ZBTB1: variants seen among roughly 807,000 people sequenced by gnomAD.
ZBTB1 encodes the protein zinc finger and BTB domain-containing protein 1.
ZBTB1 carries 13 observed loss-of-function variants against 51.6 expected under a neutral mutation model. That is an observed-to-expected ratio of 0.25 (90% CI 0.16 to 0.40). The LOEUF (loss-of-function observed/expected upper bound fraction) is 0.40, where lower values mean the gene tolerates loss of function less well. Among genes scored for constraint, ZBTB1 ranks in the 10% least tolerant of loss-of-function variants. ZBTB1 has a pLI of 1.00. For synonymous variants in ZBTB1, 240 were observed against 282.2 expected (o/e 0.85, Z 1.50); for missense variants, 567 against 856.5 (o/e 0.66, Z 4.22).
At chr14:64,509,987 A>G (rs1011733278) in intron 1 of ZBTB1, among the ~76,000 whole-genome samples, 7 of 152,000 alleles carry the variant, frequency 4.6e-5, no homozygotes, top group African/African-American at 1.7e-4. Flanking sequence ...AATTAAAAAA[A>G]AAAAAAAAAG....
intron 1 of ZBTB1, 181 bp downstream of exon 1, chr14:64,505,127 CG>C (rs2079625419): frequency 5.8e-6 from 2 of 344,130 alleles, no homozygotes; most frequent in Non-Finnish European, 1.0e-5. Flanking sequence ...TGCTTGTTGC[CG>C]GCGCGTCAGG....
chr14:64,532,095 C>A, exon 3 of ZBTB1: 1 of 541,214 alleles, frequency 1.8e-6, no homozygotes, highest in Non-Finnish European at 3.2e-6. Context: ...TTTGTTGTAA[C>A]AAAATTGATT....
downstream of ZBTB1, among the ~76,000 whole-genome samples, chr14:64,526,718 C>T (rs369731463): frequency 2.0e-5 from 3 of 152,076 alleles, no homozygotes; most frequent in Non-Finnish European, 4.4e-5. Flanking sequence ...CTCAGAAATG[C>T]GTCTTCATCT....
intron 1 of ZBTB1, among the ~76,000 whole-genome samples, chr14:64,513,305 C>T (rs539500920): frequency 1.3e-5 from 2 of 152,248 alleles, no homozygotes; most frequent in South Asian, 4.1e-4. Flanking sequence ...CCCTATACAT[C>T]TGCCTGGAAT....
At chr14:64,512,670 T>C (rs1254900632) in intron 1 of ZBTB1, among the ~76,000 whole-genome samples, 1 of 152,148 alleles carries the variant, frequency 6.6e-6, no homozygotes, top group African/African-American at 2.4e-5. Context: ...GAATTTGGAG[T>C]CTAATGCACA....
downstream of ZBTB1, among the ~76,000 whole-genome samples, chr14:64,528,344 CTTT>C (rs71123857): frequency 2.7e-4 from 31 of 115,518 alleles, no homozygotes; most frequent in South Asian, 1.1e-3. Context: ...TTTTTCTTTT[CTTT>C]TTTTTTTTTT....
intron 1 of ZBTB1, among the ~76,000 whole-genome samples, chr14:64,506,618 A>G (rs1340605948): frequency 6.6e-6 from 1 of 152,234 alleles, no homozygotes; most frequent in Admixed American, 6.5e-5. Context: ...AATAAACATA[A>G]CGTCTACAGT....
At chr14:64,513,346 T>C (rs1029155605) in intron 1 of ZBTB1, among the ~76,000 whole-genome samples, 40 of 152,092 alleles carry the variant, frequency 2.6e-4, no homozygotes, top group African/African-American at 9.4e-4. Flanking sequence ...ACATAACAAA[T>C]GTTAGCTATT....
intron 1 of ZBTB1, among the ~76,000 whole-genome samples, chr14:64,520,216 G>C (rs1206764765): frequency 6.6e-6 from 1 of 152,074 alleles, no homozygotes; most frequent in Non-Finnish European, 1.5e-5. Context: ...TGTTAGCCAG[G>C]ATGGTTTCGA....
At chr14:64,528,344 C>CTTTTTTTTTTTTTTTTTTT, downstream of ZBTB1, among the ~76,000 whole-genome samples, 1 of 115,538 alleles carries the variant, frequency 8.7e-6, no homozygotes, top group Non-Finnish European at 1.7e-5. Flanking sequence ...TTTTTCTTTT[C>CTTTTTTTTTTTTTTTTTTT]TTTTTTTTTT....
chr14:64,517,154 A>G (rs1458754786), intron 1 of ZBTB1, among the ~76,000 whole-genome samples: 1 of 152,196 alleles, frequency 6.6e-6, no homozygotes, highest in Non-Finnish European at 1.5e-5. Flanking sequence ...AACATCCACT[A>G]TTACTTTCAT....
intron 1 of ZBTB1, chr14:64,516,857 T>C (rs2079791805): frequency 6.6e-6 from 1 of 152,252 alleles, no homozygotes; most frequent in African/African-American, 2.4e-5. Flanking sequence ...TATGTATTTT[T>C]ACTCAGTTGA....
chr14:64,508,008 T>C (rs2079684937), intron 1 of ZBTB1, among the ~76,000 whole-genome samples: 1 of 152,190 alleles, frequency 6.6e-6, no homozygotes, highest in Admixed American at 6.5e-5. Context: ...CAATGACCGC[T>C]GTTTTCAGAT....
intron 1 of ZBTB1, chr14:64,516,593 A>G (rs143181776): frequency 5.9e-4 from 90 of 152,376 alleles, no homozygotes; most frequent in Middle Eastern, 3.4e-3. Context: ...TGTTCTTTCT[A>G]CTACAGCATG....
chr14:64,527,775 AAAAGAT>A (rs1321608200), downstream of ZBTB1, among the ~76,000 whole-genome samples: 9 of 152,342 alleles, frequency 5.9e-5, no homozygotes, highest in African/African-American at 2.2e-4. Flanking sequence ...CCATCTCAAA[AAAAGAT>A]AATAATACAC....
At chr14:64,512,464 A>C (rs556630410) in intron 1 of ZBTB1, among the ~76,000 whole-genome samples, 1 of 152,218 alleles carries the variant, frequency 6.6e-6, no homozygotes, top group Non-Finnish European at 1.5e-5. Context: ...GTCAGTGCTA[A>C]TGATACAAGT....
rs2079874303 is a variant in ZBTB1, at chr14:64,522,885, A to G, written c.1381A>G (p.Arg461Gly). 1 of 1,614,102 alleles carries G rather than the reference A, an allele frequency of 6.2e-7. No individual in the cohort carries two copies. Among genetic ancestry groups the G allele is most frequent in the Admixed American group, 1.7e-5 (1 of 60,004 alleles). ...GKCGQILVKG[R>G]QLQEHAQRCG... ...ATGTGGACAAATACTTGTAAAGGGTAGGCAGCTTCAGGAACATGCTCAACG... is the reference window on the plus strand; with the variant it reads ...ATGTGGACAAATACTTGTAAAGGGTGGGCAGCTTCAGGAACATGCTCAACG... Residue 461 changes from arginine (R) to glycine (G), a missense_variant, in exon 2 of 2, where the codon AGG becomes GGG. Around this residue, in one of 5 missense-constraint regions of ZBTB1, gnomAD observed 329 missense variants for 406.3 expected, o/e 0.81. Transcript: ENST00000683701.
chr14:64,517,781 ATTTTTTTTT>A (rs10590459), intron 1 of ZBTB1, among the ~76,000 whole-genome samples: 2 of 41,550 alleles, frequency 4.8e-5, no homozygotes, highest in African/African-American at 1.8e-4. Flanking sequence ...ATATATATAT[ATTTTTTTTT>A]TTTTTTTTTT....
downstream of ZBTB1, among the ~76,000 whole-genome samples, chr14:64,529,060 G>C (rs1485095952): frequency 6.6e-6 from 1 of 152,208 alleles, no homozygotes; most frequent in Non-Finnish European, 1.5e-5. Context: ...CAATTAACAT[G>C]CTGAATAATG....
Sources: gnomAD v4.1 joint callset for allele counts (sites outside exome capture counted in the v4.1 genomes callset) on GRCh38, gnomAD v4.1.1 for gene constraint, gnomAD v4.1.1 regional missense constraint, MANE v1.5 for transcripts, NCBI Gene and HGNC (gene_info 2026-07-23, HGNC 2026-07-21) for gene names.